The following RBFOX1 variants were observed in gnomAD, a reference collection of about 807,000 sequenced individuals.
RBFOX1 encodes the protein RNA binding fox-1 homolog 1.
In RBFOX1, 8 loss-of-function variants were observed where a neutral mutation model predicts 57.7. The observed-to-expected ratio is 0.14, with a 90% CI of 0.08 to 0.25. RBFOX1 has a LOEUF of 0.25. Ranked by LOEUF, RBFOX1 falls within the 10% of genes least tolerant of loss-of-function variation. RBFOX1 has a pLI of 1.00. For missense variants in RBFOX1, 611 were observed against 548.5 expected, an observed-to-expected ratio of 1.11 and a Z score of -1.14; for synonymous variants, 326 against 222.4, an observed-to-expected ratio of 1.47 and a Z score of -4.15.
At chr16:6,949,150 C>G (rs7194835) in intron 3 of RBFOX1, among the ~76,000 whole-genome samples, 1 of 151,980 alleles carries the variant, frequency 6.6e-6, no homozygotes, top group East Asian at 1.9e-4. Flanking sequence ...GTAACTGATG[C>G]CTTCCCCCAC....
chr16:5,454,939 C>CTTTCTTTCT, intron 1 of RBFOX1, among the ~76,000 whole-genome samples: 16 of 43,964 alleles, frequency 3.6e-4, no homozygotes, highest in African/African-American at 1.4e-3. Context: ...TCCTTCCTTC[C>CTTTCTTTCT]TTCCTTCCTT....
intron 3 of RBFOX1, among the ~76,000 whole-genome samples, chr16:6,856,100 C>G (rs532184154): frequency 6.6e-6 from 1 of 151,352 alleles, no homozygotes; most frequent in African/African-American, 2.4e-5. Context: ...CCCTTCCCTT[C>G]CCTTCCCTTT....
At chr16:6,672,069 T>C (rs1167177439) in intron 3 of RBFOX1, among the ~76,000 whole-genome samples, 1 of 152,250 alleles carries the variant, frequency 6.6e-6, no homozygotes, top group East Asian at 1.9e-4. Flanking sequence ...ATCCGATAGT[T>C]GTTAATCACA....
chr16:5,404,202 T>G (rs1042981952), intron 1 of RBFOX1, among the ~76,000 whole-genome samples: 2 of 152,142 alleles, frequency 1.3e-5, no homozygotes, highest in African/African-American at 4.8e-5. Context: ...ACAATGTACC[T>G]TATTTAGGTG....
At chr16:6,351,390 T>C (rs1407208899) in intron 2 of RBFOX1, among the ~76,000 whole-genome samples, 1 of 138,762 alleles carries the variant, frequency 7.2e-6, no homozygotes, top group Non-Finnish European at 1.6e-5. Context: ...TTTTTTTTCT[T>C]GAGGCAGAGT....
At chr16:6,646,039 C>T (rs1327272717) in intron 2 of RBFOX1, among the ~76,000 whole-genome samples, 1 of 152,070 alleles carries the variant, frequency 6.6e-6, no homozygotes, top group African/African-American at 2.4e-5. Flanking sequence ...GAAGGGCTGC[C>T]TTCTGTCGGG....
intron 1 of RBFOX1, among the ~76,000 whole-genome samples, chr16:6,160,406 A>G (rs916258399): frequency 1.3e-5 from 2 of 152,158 alleles, no homozygotes; most frequent in African/African-American, 4.8e-5. Context: ...CAGCTAAAAT[A>G]TACTTGTCTA....
chr16:5,483,343 TCGGCC>T (rs1361042707), intron 2 of RBFOX1, among the ~76,000 whole-genome samples: 1 of 152,214 alleles, frequency 6.6e-6, no homozygotes, highest in African/African-American at 2.4e-5. Context: ...ACACTTGGTC[TCGGCC>T]TGTCTGTGAC....
At chr16:6,704,904 G>C (rs2062457082) in intron 3 of RBFOX1, 1 of 152,042 alleles carries the variant, frequency 6.6e-6, no homozygotes, top group African/African-American at 2.4e-5. Context: ...GCTGTTTCTG[G>C]ATTTCAATTT....
chr16:5,993,235 C>T (rs1215366172), intron 4 of RBFOX1, among the ~76,000 whole-genome samples: 1 of 152,122 alleles, frequency 6.6e-6, no homozygotes, highest in African/African-American at 2.4e-5. Context: ...ACTGGCTGGG[C>T]TCTGAGCCAT....
At chr16:6,410,726 T>C (rs2093433143) in intron 2 of RBFOX1, among the ~76,000 whole-genome samples, 1 of 152,126 alleles carries the variant, frequency 6.6e-6, no homozygotes, top group African/African-American at 2.4e-5. Flanking sequence ...CAAGAGGAAT[T>C]TGTATTAACT....
Position 7,406,577 on chromosome 16 carries a change from A to G in RBFOX1, c.28-111570A>G, listed in dbSNP as rs963026158. On this transcript the variant is annotated intron_variant, in intron 4 of 15. Transcript: ENST00000550418. ...CATTTAGAAGGAAAAACAATTAAAA[A>G]ATACAAACTTTCCGGAATCCAGTGT... is the stretch of plus-strand genomic sequence containing the variant. Among the ~76,000 whole-genome samples, 6 of 152,216 alleles carry G rather than the reference A, an allele frequency of 3.9e-5. 1 individual carries two copies. Among genetic ancestry groups the G allele is most frequent in the Non-Finnish European group, 8.8e-5 (6 of 68,038 alleles).
At chr16:6,435,214 G>A (rs1171618522) in intron 2 of RBFOX1, among the ~76,000 whole-genome samples, 2 of 152,046 alleles carry the variant, frequency 1.3e-5, no homozygotes, top group Admixed American at 1.3e-4. Flanking sequence ...GTGGTTTCAA[G>A]GCACCAATTA....
At position 7,482,078 on chromosome 16, in the gene RBFOX1, C is replaced by G. The variant is rs150099453; in HGVS notation, c.28-36069C>G. Among the ~76,000 whole-genome samples, 136 of 152,322 alleles carry G rather than the reference C, an allele frequency of 8.9e-4. 1 individual carries two copies. Among genetic ancestry groups the G allele is most frequent in the African/African-American group, 3.0e-3 (123 of 41,558 alleles). On this transcript the variant is annotated intron_variant, in intron 4 of 15. Coordinates refer to ENST00000550418, the MANE Select transcript of RBFOX1 (RefSeq NM_018723.4). Reference sequence around the variant, plus strand: ...CAAATCAAGCCGTGCAGCGTCCACACCTAGCAAGGGCTAGTGATGGTTATC... The same window carrying G: ...CAAATCAAGCCGTGCAGCGTCCACAGCTAGCAAGGGCTAGTGATGGTTATC...
intron 3 of RBFOX1, among the ~76,000 whole-genome samples, chr16:6,803,123 A>C (rs976481678): frequency 6.6e-6 from 1 of 151,486 alleles, no homozygotes; most frequent in Non-Finnish European, 1.5e-5. Context: ...CCTCTGAGCT[A>C]GACCATGCCT....
At chr16:5,524,878 A>T (rs4786695) in intron 2 of RBFOX1, among the ~76,000 whole-genome samples, 39,531 of 151,754 alleles carry the variant, frequency 0.26, 6,660 homozygotes, top group East Asian at 0.85. Context: ...TGTGCTACTT[A>T]CTCAGGGGAG....
At chr16:7,252,963 C>T (rs796372065) in intron 4 of RBFOX1, among the ~76,000 whole-genome samples, 1 of 152,138 alleles carries the variant, frequency 6.6e-6, no homozygotes, top group Non-Finnish European at 1.5e-5. Flanking sequence ...TGTAAATAAG[C>T]ATGCACATAT....
intron 3 of RBFOX1, among the ~76,000 whole-genome samples, chr16:6,881,610 C>G (rs1271803181): frequency 6.6e-6 from 1 of 152,158 alleles, no homozygotes; most frequent in Non-Finnish European, 1.5e-5. Flanking sequence ...CTCTGAGGAC[C>G]TGACTTTAAC....
chr16:6,620,960 C>T (rs1034621800), intron 2 of RBFOX1, among the ~76,000 whole-genome samples: 14 of 152,300 alleles, frequency 9.2e-5, no homozygotes, highest in South Asian at 4.1e-4. Context: ...TTTGAGAAGG[C>T]AGAAGTCTGA....
Sources: allele counts gnomAD v4.1 joint callset (sites outside exome capture counted in the v4.1 genomes callset), GRCh38; gene constraint gnomAD v4.1.1; transcripts MANE v1.5; gene names NCBI Gene and HGNC (gene_info 2026-07-23, HGNC 2026-07-21).